The following RASGRF1 variants were observed in gnomAD, a reference collection of about 807,000 sequenced individuals.
The protein encoded by RASGRF1 is ras-specific guanine nucleotide-releasing factor 1.
A neutral mutation model predicts 138.7 loss-of-function variants in RASGRF1; 40 were observed. That is an observed-to-expected ratio of 0.29 (90% CI 0.22 to 0.38). The LOEUF (loss-of-function observed/expected upper bound fraction) is 0.38, where lower values mean the gene tolerates loss of function less well. Among genes scored for constraint, RASGRF1 ranks in the 10% least tolerant of loss-of-function variants. RASGRF1 has a pLI of 1.00. For synonymous variants in RASGRF1, 614 were observed against 663.2 expected (o/e 0.93, Z 1.14); for missense variants, 1,108 against 1,650.4 (o/e 0.67, Z 5.69).
chr15:79,017,137 G>T (rs2056890411), intron 12 of RASGRF1, among the ~76,000 whole-genome samples: 1 of 152,198 alleles, frequency 6.6e-6, no homozygotes, highest in Admixed American at 6.5e-5. Flanking sequence ...AGGCACCCAT[G>T]GGCATTCTGG....
chr15:78,980,692 G>T lies in RASGRF1; in HGVS notation c.3422C>A (p.Ala1141Asp). Residue 1141 changes from alanine (A) to aspartate (D), a missense_variant, in exon 24 of 27, where the codon GCT becomes GAT. Coordinates refer to ENST00000558480, the MANE Select transcript of RASGRF1 (RefSeq NM_001145648.3). ...AAGCTTTTGGAGCTTATCAATCAAA[G>T]CTTTAGTCTAGAAGGAAGCAGAAGC... ...TWLKVSKQTK[A>D]LIDKLQKLVS... 1 of 1,601,922 alleles carries T rather than the reference G, an allele frequency of 6.2e-7. No individual in the cohort carries two copies. The highest frequency in any genetic ancestry group is 8.5e-7 in the Non-Finnish European group (1 of 1,169,988).
chr15:78,996,668 C>T (rs1488716970), intron 19 of RASGRF1, among the ~76,000 whole-genome samples: 3 of 152,140 alleles, frequency 2.0e-5, no homozygotes, highest in Non-Finnish European at 2.9e-5. Context: ...TCAATATGCT[C>T]GGTGGGGGGC....
At chr15:79,086,439 T>C (rs2057980943) in intron 1 of RASGRF1, among the ~76,000 whole-genome samples, 1 of 152,186 alleles carries the variant, frequency 6.6e-6, no homozygotes, top group South Asian at 2.1e-4. Flanking sequence ...ATGAGTGTAC[T>C]CATTAACCTC....
rs376602426 is a variant in RASGRF1 at position 78,985,157 on chromosome 15, G to A, written c.3264C>T (p.Asn1088=). ...ASEIIRNEDI[N]ARVSAIEKWV... ...ACTTCTCGATGGCGCTCACCCTGGC[G>A]TTGATGTCCTCATTGCGGATGATTT... is the stretch of plus-strand genomic sequence containing the variant. Residue 1088 remains asparagine (N), a synonymous_variant, in exon 23 of 27, where the codon AAC becomes AAT. Coordinates refer to ENST00000558480, the MANE Select transcript of RASGRF1 (RefSeq NM_001145648.3). 67 of 1,613,226 alleles carry A rather than the reference G, an allele frequency of 4.2e-5. No individual in the cohort carries two copies. The East Asian group carries it at 4.7e-4, about 11-fold the overall frequency.
chr15:79,070,706 G>A (rs897580473), intron 1 of RASGRF1, among the ~76,000 whole-genome samples: 10 of 152,198 alleles, frequency 6.6e-5, no homozygotes, highest in African/African-American at 1.4e-4. Flanking sequence ...GCTGGTGCCT[G>A]CAAGCAAGCA....
At chr15:79,054,493 G>A (rs1304795772) in intron 3 of RASGRF1, among the ~76,000 whole-genome samples, 3 of 152,184 alleles carry the variant, frequency 2.0e-5, no homozygotes, top group Admixed American at 6.5e-5. Context: ...TGGAAATGGT[G>A]GGATTGTATT....
chr15:79,084,235 T>C (rs868279903), intron 1 of RASGRF1, among the ~76,000 whole-genome samples: 1 of 152,222 alleles, frequency 6.6e-6, no homozygotes, highest in African/African-American at 2.4e-5. Context: ...ATCCTACTTC[T>C]CCTGTGCAGG....
chr15:78,965,808 G>A (rs556486370), intron 26 of RASGRF1, among the ~76,000 whole-genome samples: 99 of 152,326 alleles, frequency 6.5e-4, no homozygotes, highest in Admixed American at 1.1e-3. Context: ...CCGAGATCGC[G>A]CCACTGCACT....
rs1452117747 is a variant in RASGRF1, at chr15:79,073,789, A to C, written c.277-9263T>G. On this transcript the variant is annotated intron_variant, in intron 1 of 26. Transcript: ENST00000558480. This position sits in a 1 kb window ranked among gnomAD's most constrained non-coding sequence, Gnocchi z 4.2. ...GTCCCACCACCCTTACTGCCATGAG[A>C]GTCCTTAAAGTCACTGGAGCTGCAG... is the stretch of plus-strand genomic sequence containing the variant. Among the ~76,000 whole-genome samples the C allele has an allele frequency of 6.6e-6, 1 of 152,172 alleles. No individual in the cohort carries two copies. Among genetic ancestry groups the C allele is most frequent in the Non-Finnish European group, 1.5e-5 (1 of 68,026 alleles).
intron 24 of RASGRF1, among the ~76,000 whole-genome samples, chr15:78,977,393 C>G (rs1867315): frequency 0.46 from 70,218 of 151,686 alleles, 19,448 homozygotes; most frequent in East Asian, 0.72. Context: ...GGTTCTGGCA[C>G]GAGGTACAGG....
At chr15:79,048,306 T>C (rs941048025) in intron 4 of RASGRF1, among the ~76,000 whole-genome samples, 6 of 152,128 alleles carry the variant, frequency 3.9e-5, no homozygotes, top group Non-Finnish European at 8.8e-5. Flanking sequence ...GGCTGGCTGC[T>C]GTTATGTGCA....
chr15:79,070,022 C>T (rs2057733894), intron 1 of RASGRF1, among the ~76,000 whole-genome samples: 1 of 152,212 alleles, frequency 6.6e-6, no homozygotes, highest in Non-Finnish European at 1.5e-5. Flanking sequence ...TGGAAGCCCC[C>T]AACCCAGGAT....
chr15:79,032,190 T>C lies in RASGRF1; in HGVS notation c.1085A>G (p.His362Arg), dbSNP rs892674004. The C allele has an allele frequency of 1.9e-6, 3 of 1,614,128 alleles. No homozygotes were observed. Among genetic ancestry groups the C allele is most frequent in the Non-Finnish European group, 2.5e-6 (3 of 1,179,988 alleles). Residue 362 changes from histidine (H) to arginine (R), a missense_variant, in exon 7 of 27, where the codon CAC (histidine) becomes CGC (arginine). Physicochemically the swap from His to Arg is conservative, Grantham distance 29 (BLOSUM62 0). Coordinates refer to ENST00000558480, the MANE Select transcript of RASGRF1 (RefSeq NM_001145648.3). This position sits in a 1 kb window ranked among gnomAD's most constrained non-coding sequence, Gnocchi z 4.5. ...QNRDFDKLLK[H>R]YEAKPDCEER... The stretch of plus-strand genomic sequence containing the variant: ...CTCGCAGTCAGGCTTGGCCTCGTAG[T>C]GCTTCAGCAGCTTGTCGAAGTCACG...
At chr15:78,996,428 G>C (rs2056393434) in intron 19 of RASGRF1, among the ~76,000 whole-genome samples, 1 of 152,188 alleles carries the variant, frequency 6.6e-6, no homozygotes, top group Admixed American at 6.5e-5. Flanking sequence ...GGACAGCCAG[G>C]GGTCTGCAGG....
chr15:78,984,980 G>A lies in RASGRF1; in HGVS notation c.3414+27C>T, dbSNP rs199535825. ...CTAGCCCCAATCCAGCCCCAGGGAG[G>A]CAGTGGTGCCAGCCTCCTGCCCGCA... On this transcript the variant is annotated intron_variant, in intron 23 of 26. Coordinates refer to ENST00000558480, the MANE Select transcript of RASGRF1 (RefSeq NM_001145648.3). 1.7e-4 allele frequency: 269 copies of A among 1,606,022 alleles called. 1 individual carries two copies. The East Asian group carries it at 6.0e-3, about 36-fold the overall frequency.
At chr15:79,014,961 C>T (rs546904328) in intron 13 of RASGRF1, among the ~76,000 whole-genome samples, 2 of 149,100 alleles carry the variant, frequency 1.3e-5, no homozygotes, top group Non-Finnish European at 3.0e-5. Flanking sequence ...ACAAACAAAA[C>T]AAAACAAAAC....
At position 78,973,218 on chromosome 15, in the gene RASGRF1, T is replaced by C; in HGVS notation, c.3612+85A>G. The C allele has an allele frequency of 8.7e-7, 1 of 1,149,862 alleles. No individual in the cohort carries two copies. The highest frequency in any genetic ancestry group is 2.5e-5 in the East Asian group (1 of 40,760). 71.2% of individuals were successfully genotyped at this position (1,149,862 alleles called of 1,614,324 possible). On this transcript the variant is annotated intron_variant, in intron 25 of 26. Transcript: ENST00000558480. This position sits in a 1 kb window ranked among gnomAD's most constrained non-coding sequence, Gnocchi z 4.9. ...GCACCCTATGCAGCAGGTTGGGCCTTGGGGGGCAGAGTGTGGGTGGGCCCC... is the reference window on the plus strand; with the variant it reads ...GCACCCTATGCAGCAGGTTGGGCCTCGGGGGGCAGAGTGTGGGTGGGCCCC...
At position 79,090,557 on chromosome 15, in the gene RASGRF1, C is replaced by A. The variant is rs865960340; in HGVS notation, c.-59G>T. 2.5e-5 allele frequency: 40 copies of A among 1,575,566 alleles called. No individual in the cohort carries two copies. The highest frequency in any genetic ancestry group is 1.7e-4 in the Middle Eastern group (1 of 5,972). On this transcript the variant is annotated 5_prime_UTR_variant, in exon 1 of 27. Coordinates refer to ENST00000558480, the MANE Select transcript of RASGRF1 (RefSeq NM_001145648.3). ...ACATCTTCTCCGCGCAGCAGCCCCC[C>A]GTCCGTGCGCGCTGCGCGCTGCCTC... is the stretch of plus-strand genomic sequence containing the variant.
chr15:79,087,519 A>G (rs1048113167), intron 1 of RASGRF1, among the ~76,000 whole-genome samples: 1 of 152,222 alleles, frequency 6.6e-6, no homozygotes, highest in African/African-American at 2.4e-5. Flanking sequence ...CAGCTAGTCT[A>G]GTTAAACAGA....
Sources: gnomAD v4.1 joint callset for allele counts (sites outside exome capture counted in the v4.1 genomes callset) on GRCh38, gnomAD v4.1.1 for gene constraint, Gnocchi (gnomAD v3.1) non-coding constraint, MANE v1.5 for transcripts, NCBI Gene and HGNC (gene_info 2026-07-23, HGNC 2026-07-21) for gene names.